Variants in FRMPD2 observed in about 807,000 individuals in gnomAD.
FRMPD2 encodes the protein FERM and PDZ domain-containing protein 2.
FRMPD2 carries 96 observed loss-of-function variants against 140.1 expected under a neutral mutation model. The ratio of observed to expected loss-of-function variants is 0.69; its 90% CI spans 0.58 to 0.81. The LOEUF is 0.81. Ranked by LOEUF, FRMPD2 falls within the 40% of genes least tolerant of loss-of-function variation. The probability of loss-of-function intolerance (pLI) is 0.00; values close to 1 mark genes in which losing one functional copy is unlikely to be tolerated. For missense variants in FRMPD2, 1,240 were observed against 1,447.4 expected, an observed-to-expected ratio of 0.86 and a Z score of 2.32; for synonymous variants, 449 against 547.6, an observed-to-expected ratio of 0.82 and a Z score of 2.52.
At chr10:48,228,327 T>C (rs1370959094) in intron 10 of FRMPD2, among the ~76,000 whole-genome samples, 1 of 151,878 alleles carries the variant, frequency 6.6e-6, no homozygotes, top group Non-Finnish European at 1.5e-5. Flanking sequence ...ATATATCTAC[T>C]TAAAATGGTT....
intron 1 of FRMPD2, among the ~76,000 whole-genome samples, chr10:48,262,215 C>T (rs150717249): frequency 7.2e-5 from 11 of 151,876 alleles, no homozygotes; most frequent in African/African-American, 2.4e-4. Context: ...AGAAGAAATC[C>T]CCTTTAAATA....
At chr10:48,191,854 A>G (rs1460442303) in intron 16 of FRMPD2, among the ~76,000 whole-genome samples, 2 of 152,258 alleles carry the variant, frequency 1.3e-5, no homozygotes, top group African/African-American at 2.4e-5. Context: ...ATATAAATTT[A>G]AATGATAAGA....
chr10:48,192,689 C>A lies in FRMPD2; in HGVS notation c.2160G>T (p.Gly720=). ...AACAAATGTGTCACACCCACCTGCG[C>A]CCGATGCCTTCTGCTCCAGCCTCCT... The part of the protein sequence containing the change: ...GSKEAGAEGI[G]RSPCTGREQL... The change falls in exon 16 of 29, where the codon GGG becomes GGT. Residue 720 remains glycine, a synonymous_variant. Coordinates refer to ENST00000374201, the MANE Select transcript of FRMPD2 (RefSeq NM_001018071.4). 1 of 1,613,956 alleles carries A rather than the reference C, an allele frequency of 6.2e-7. No homozygotes were observed. Among genetic ancestry groups the A allele is most frequent in the Non-Finnish European group, 8.5e-7 (1 of 1,179,948 alleles).
intron 1 of FRMPD2, among the ~76,000 whole-genome samples, chr10:48,260,972 AG>A (rs1840580132): frequency 6.6e-6 from 1 of 152,240 alleles, no homozygotes; most frequent in Admixed American, 6.5e-5. Context: ...ATTTCTTAAA[AG>A]TTAGCAATCA....
At chr10:48,250,632 T>G (rs1289127114) in intron 2 of FRMPD2, among the ~76,000 whole-genome samples, 1 of 151,510 alleles carries the variant, frequency 6.6e-6, no homozygotes, top group Non-Finnish European at 1.5e-5. Context: ...GGTATTGAAC[T>G]CTTGACCTCA....
chr10:48,198,132 A>G (rs1453180054), intron 15 of FRMPD2, among the ~76,000 whole-genome samples: 1 of 152,230 alleles, frequency 6.6e-6, no homozygotes, highest in Non-Finnish European at 1.5e-5. Context: ...TTTAACCAAT[A>G]GTCTTACTCT....
intron 4 of FRMPD2, among the ~76,000 whole-genome samples, chr10:48,243,751 G>A (rs1265207674): frequency 2.0e-5 from 3 of 152,108 alleles, no homozygotes; most frequent in African/African-American, 7.2e-5. Context: ...AGACCACCCA[G>A]GAAGAGCCCG....
chr10:48,230,248 A>T (rs1839820447), intron 10 of FRMPD2, among the ~76,000 whole-genome samples: 1 of 152,208 alleles, frequency 6.6e-6, no homozygotes, highest in Non-Finnish European at 1.5e-5. Context: ...TTCTAAAACT[A>T]TCCATAAGCA....
chr10:48,213,630 T>C (rs1367857728), intron 12 of FRMPD2, among the ~76,000 whole-genome samples: 1 of 151,982 alleles, frequency 6.6e-6, no homozygotes, highest in African/African-American at 2.4e-5. Context: ...GACAATGAAA[T>C]ATTGTCCAGT....
chr10:48,198,515 C>A (rs61840037), intron 15 of FRMPD2, among the ~76,000 whole-genome samples: 30,323 of 152,096 alleles, frequency 0.2, 3,582 homozygotes, highest in Non-Finnish European at 0.26. Context: ...TTCTGAGCAG[C>A]TAACTGGGCC....
At chr10:48,253,935 G>T (rs1212550991) in intron 1 of FRMPD2, among the ~76,000 whole-genome samples, 1 of 152,046 alleles carries the variant, frequency 6.6e-6, no homozygotes, top group Non-Finnish European at 1.5e-5. Flanking sequence ...TTTTGTTAAA[G>T]CTAAGAGTCA....
intron 9 of FRMPD2, among the ~76,000 whole-genome samples, chr10:48,236,022 G>A (rs531825612): frequency 1.3e-5 from 2 of 151,642 alleles, no homozygotes; most frequent in South Asian, 2.1e-4. Flanking sequence ...CACCTGCCAT[G>A]CTCCATCCTC....
chr10:48,216,892 G>A (rs572066944), intron 12 of FRMPD2, among the ~76,000 whole-genome samples: 12 of 152,256 alleles, frequency 7.9e-5, no homozygotes, highest in African/African-American at 2.6e-4. Context: ...AGCACCACCC[G>A]AAGCTGGCCT....
rs1275658795 is a variant in FRMPD2 at position 48,184,995 on chromosome 10, T to G, written c.2360-114A>C. ...GCTACCAAGTGGCATTAGCTGATAG[T>G]TACAGTCAGGTCTTCTGATCCTCAA... On this transcript the variant is annotated intron_variant, in intron 18 of 28. Transcript: ENST00000374201. The G allele has an allele frequency of 3.8e-5, 26 of 692,224 alleles. No homozygotes were observed. In the East Asian group the frequency reaches 7.1e-4, roughly 19 times the overall value. The allele number at this position is 692,224 out of a possible 1,614,324, so 42.9% of individuals were successfully genotyped here.
chr10:48,255,863 G>A (rs1048906133), intron 1 of FRMPD2, among the ~76,000 whole-genome samples: 2 of 152,202 alleles, frequency 1.3e-5, no homozygotes. Flanking sequence ...AGAGAAGCCC[G>A]CTCATGGTGA....
Position 48,239,623 on chromosome 10 carries a change from C to A in FRMPD2, c.770G>T (p.Cys257Phe), listed in dbSNP as rs1757756702. 6.2e-7 allele frequency: 1 copy of A among 1,614,010 alleles called. No individual in the cohort carries two copies. The highest frequency in any genetic ancestry group is 8.5e-7 in the Non-Finnish European group (1 of 1,179,876). ...TGCTTACCGGTTAACAAGGAGGCTG[C>A]AGTGACTGTGTGTCAAGGTGCTCCA... ...PHWSTLTHSH[C>F]SLLVNRALPG... Residue 257 changes from cysteine (C) to phenylalanine (F), a missense_variant, in exon 7 of 29, where the codon TGC becomes TTC. Cys to Phe is a radical substitution (Grantham distance 205). Around this residue, in one of 6 missense-constraint regions of FRMPD2, gnomAD observed 1,161 missense variants for 1,055.9 expected, o/e 1.10. Coordinates refer to ENST00000374201, the MANE Select transcript of FRMPD2 (RefSeq NM_001018071.4).
intron 3 of FRMPD2, among the ~76,000 whole-genome samples, chr10:48,245,782 A>G (rs1473981980): frequency 6.6e-6 from 1 of 152,210 alleles, no homozygotes; most frequent in Non-Finnish European, 1.5e-5. Flanking sequence ...TGGGGCTTCT[A>G]TTATAACTGA....
chr10:48,181,676 C>T (rs1588810158), intron 20 of FRMPD2, among the ~76,000 whole-genome samples: 1 of 151,832 alleles, frequency 6.6e-6, no homozygotes, highest in Non-Finnish European at 1.5e-5. Context: ...AGTAGAAAAA[C>T]CTTGGGCAAG....
intron 4 of FRMPD2, among the ~76,000 whole-genome samples, chr10:48,243,983 T>A (rs906899631): frequency 1.3e-5 from 2 of 152,258 alleles, no homozygotes; most frequent in Non-Finnish European, 2.9e-5. Flanking sequence ...TATTTTTATG[T>A]AGTTCTTTTT....
Sources: allele counts gnomAD v4.1 joint callset (sites outside exome capture counted in the v4.1 genomes callset), GRCh38; gene constraint gnomAD v4.1.1; regional missense constraint gnomAD v4.1.1; transcripts MANE v1.5; gene names NCBI Gene and HGNC (gene_info 2026-07-23, HGNC 2026-07-21).